SUFU: variants seen among roughly 807,000 people sequenced by gnomAD.
SUFU encodes suppressor of fused homolog.
SUFU carries 7 observed loss-of-function variants against 58.9 expected under a neutral mutation model. The ratio of observed to expected loss-of-function variants is 0.12; its 90% CI spans 0.07 to 0.22. The LOEUF (loss-of-function observed/expected upper bound fraction) is 0.22. Ranked by LOEUF, SUFU falls within the 10% of genes least tolerant of loss-of-function variation. The probability of loss-of-function intolerance (pLI) is 1.00; values close to 1 mark genes in which losing one functional copy is unlikely to be tolerated. For synonymous variants in SUFU, 232 were observed against 254.8 expected (o/e 0.91, Z 0.85); for missense variants, 451 against 641.3 (o/e 0.70, Z 3.20).
chr10:102,591,800 C>T (rs10883748), intron 3 of SUFU, among the ~76,000 whole-genome samples: 151,200 of 152,274 alleles, frequency 0.99, 75,072 homozygotes, highest in East Asian at 1. Context: ...ACTTAGTACC[C>T]TGTGGGGTTG....
intron 2 of SUFU, among the ~76,000 whole-genome samples, chr10:102,511,811 A>C (rs997409383): frequency 2.0e-5 from 3 of 152,140 alleles, no homozygotes; most frequent in Non-Finnish European, 2.9e-5. Context: ...CCTGGGCTCA[A>C]GCAATTATCC....
At chr10:102,545,230 A>G (rs953152974) in intron 2 of SUFU, among the ~76,000 whole-genome samples, 6 of 151,036 alleles carry the variant, frequency 4.0e-5, no homozygotes, top group Non-Finnish European at 8.8e-5. Flanking sequence ...CCACTGCCTC[A>G]GCACCCCCAC....
At position 102,593,740 on chromosome 10, in the gene SUFU, T is replaced by C. The variant is rs1687296866; in HGVS notation, c.683+19T>C. Reference sequence around the variant, plus strand: ...TGCCTATGTGAGTACCCATGCAAGGTGGGAGCGCGGCTCCCTGGGCCTGGG... The same window carrying C: ...TGCCTATGTGAGTACCCATGCAAGGCGGGAGCGCGGCTCCCTGGGCCTGGG... On this transcript the variant is annotated intron_variant, in intron 5 of 11. Coordinates refer to ENST00000369902, the MANE Select transcript of SUFU (RefSeq NM_016169.4). 1 of 1,612,962 alleles carries C rather than the reference T, an allele frequency of 6.2e-7. No homozygotes were observed. The highest frequency in any genetic ancestry group is 1.3e-5 in the African/African-American group (1 of 74,912).
intron 2 of SUFU, 112 bp downstream of exon 2, chr10:102,509,415 C>T: frequency 6.9e-7 from 1 of 1,455,694 alleles, no homozygotes; most frequent in Non-Finnish European, 9.5e-7. Flanking sequence ...GGAACCTCTG[C>T]ATTTCTGCCC....
rs961393069 is a variant in SUFU at position 102,629,045 on chromosome 10, A to G, written c.1366-1021A>G. Among the ~76,000 whole-genome samples the G allele has an allele frequency of 6.6e-6, 1 of 152,012 alleles. No homozygotes were observed. The highest frequency in any genetic ancestry group is 1.5e-5 in the Non-Finnish European group (1 of 68,000). On this transcript the variant is annotated intron_variant, in intron 11 of 11. Transcript: ENST00000369902. The surrounding 1 kb of genome is among the most constrained non-coding windows in gnomAD (Gnocchi z 4.7). Reference sequence around the variant, plus strand: ...GTGGTGCATGCCTGTAATCTCAGCTACTCGGGAGGCTGAGGCACGAGAATC... The same window carrying G: ...GTGGTGCATGCCTGTAATCTCAGCTGCTCGGGAGGCTGAGGCACGAGAATC...
chr10:102,624,151 A>G (rs1331295122), intron 10 of SUFU, among the ~76,000 whole-genome samples: 1 of 152,104 alleles, frequency 6.6e-6, no homozygotes, highest in Non-Finnish European at 1.5e-5. Context: ...CACCATTCCC[A>G]TTATTATTCG....
chr10:102,622,333 C>G (rs953447031), intron 10 of SUFU, among the ~76,000 whole-genome samples: 1 of 152,158 alleles, frequency 6.6e-6, no homozygotes, highest in African/African-American at 2.4e-5. Flanking sequence ...TGGCCAGGTG[C>G]GGTGGCTCAC....
chr10:102,541,692 C>G (rs2062801684), intron 2 of SUFU, among the ~76,000 whole-genome samples: 1 of 133,668 alleles, frequency 7.5e-6, no homozygotes, highest in Non-Finnish European at 1.6e-5. Flanking sequence ...AGCCACCGCG[C>G]CCGGCTTTTT....
chr10:102,516,168 G>A (rs1218430481), intron 2 of SUFU, among the ~76,000 whole-genome samples: 1 of 128,866 alleles, frequency 7.8e-6, no homozygotes, highest in Non-Finnish European at 1.6e-5. Flanking sequence ...CTTTGTTGCC[G>A]AGGCTGGAGT....
intron 2 of SUFU, among the ~76,000 whole-genome samples, chr10:102,546,013 C>T (rs900324929): frequency 6.6e-6 from 1 of 152,212 alleles, no homozygotes; most frequent in African/African-American, 2.4e-5. Context: ...GAGATGCTGA[C>T]TTTCAGCAGT....
At chr10:102,591,283 G>A (rs542609368) in intron 3 of SUFU, among the ~76,000 whole-genome samples, 8 of 152,218 alleles carry the variant, frequency 5.3e-5, no homozygotes, top group East Asian at 3.9e-4. Context: ...GGCGGATCAC[G>A]AGGTCAGGAG....
intron 2 of SUFU, among the ~76,000 whole-genome samples, chr10:102,536,794 A>G (rs1232043752): frequency 6.6e-6 from 1 of 152,022 alleles, no homozygotes; most frequent in Non-Finnish European, 1.5e-5. Context: ...CATAATGTAC[A>G]TAACTTATCT....
chr10:102,613,704 G>T (rs1590080352), intron 8 of SUFU, among the ~76,000 whole-genome samples: 2 of 152,268 alleles, frequency 1.3e-5, no homozygotes, highest in African/African-American at 4.8e-5. Context: ...CCAGGATCCG[G>T]CCTTTTGAAT....
chr10:102,571,716 A>G (rs1271783253), intron 3 of SUFU, among the ~76,000 whole-genome samples: 1 of 152,190 alleles, frequency 6.6e-6, no homozygotes, highest in Non-Finnish European at 1.5e-5. Flanking sequence ...ACAAAAAATT[A>G]GTGGCTTAAA....
chr10:102,602,133 T>C (rs1344215302), intron 8 of SUFU, among the ~76,000 whole-genome samples: 2 of 152,226 alleles, frequency 1.3e-5, no homozygotes, highest in Admixed American at 6.5e-5. Flanking sequence ...CCAGCTACTA[T>C]GTGCTGCCAT....
chr10:102,543,773 G>A (rs1273436460), intron 2 of SUFU, among the ~76,000 whole-genome samples: 1 of 152,204 alleles, frequency 6.6e-6, no homozygotes, highest in Non-Finnish European at 1.5e-5. Flanking sequence ...TAATGTAAGT[G>A]ATATAATGCT....
At chr10:102,597,402 G>A (rs776538344) in intron 7 of SUFU, 109 bp downstream of exon 7, 2 of 1,381,128 alleles carry the variant, frequency 1.4e-6, no homozygotes, top group Non-Finnish European at 1.9e-6. Context: ...CCATTCAATA[G>A]TTTATTTCCT....
Position 102,619,035 on chromosome 10 carries a change from G to C in SUFU, c.1296+1607G>C. 2.5e-6 allele frequency: 4 copies of C among 1,609,030 alleles called. No individual in the cohort carries two copies. The highest frequency in any genetic ancestry group is 3.4e-6 in the Non-Finnish European group (4 of 1,178,540). On this transcript the variant is annotated intron_variant, in intron 10 of 11. Transcript: ENST00000369902. This position sits in a 1 kb window ranked among gnomAD's most constrained non-coding sequence, Gnocchi z 4.2. ...GGGACTGGGGCCTCCCCAAACTGCA[G>C]AATCTACCCAGTTATGTTTGACATC... is the stretch of plus-strand genomic sequence containing the variant.
chr10:102,571,040 G>T (rs1418624383), intron 3 of SUFU, among the ~76,000 whole-genome samples: 1 of 152,072 alleles, frequency 6.6e-6, no homozygotes, highest in African/African-American at 2.4e-5. Flanking sequence ...TCATGTTTTG[G>T]TAGGTGAAAA....
Sources: allele counts gnomAD v4.1 joint callset (sites outside exome capture counted in the v4.1 genomes callset), GRCh38; gene constraint gnomAD v4.1.1; non-coding constraint Gnocchi (gnomAD v3.1); transcripts MANE v1.5; gene names NCBI Gene and HGNC (gene_info 2026-07-23, HGNC 2026-07-21).